The following CA1 variants were observed in gnomAD, a reference collection of about 807,000 sequenced individuals.
CA1 encodes carbonic anhydrase 1, also known as carbonate dehydratase I.
In CA1, 27 loss-of-function variants were observed where a neutral mutation model predicts 28.8. That is an observed-to-expected ratio of 0.94 (90% CI 0.69 to 1.29). CA1 has a LOEUF of 1.29. Ranked by LOEUF, CA1 falls within the 50% of genes most tolerant of loss-of-function variation. The probability of loss-of-function intolerance (pLI) is 0.00; values close to 1 mark genes in which losing one functional copy is unlikely to be tolerated. For missense variants in CA1, 335 were observed against 310.5 expected, an observed-to-expected ratio of 1.08 and a Z score of -0.59; for synonymous variants, 121 against 108.8, an observed-to-expected ratio of 1.11 and a Z score of -0.70.
rs1414872764 is a variant in CA1, at chr8:85,341,375, A to G, written c.37+224T>C. On this transcript the variant is annotated intron_variant, in intron 2 of 7. Transcript: ENST00000523022. Reference sequence around the variant, plus strand: ...AGGGGTCTGAAACTGAACCTTCAGTATCTCTGAGGTATGCCTGTATATATA... The same window carrying G: ...AGGGGTCTGAAACTGAACCTTCAGTGTCTCTGAGGTATGCCTGTATATATA... 1.2e-5 allele frequency: 5 copies of G among 405,756 alleles called. No homozygotes were observed. The Admixed American group carries it at 1.6e-4, about 13-fold the overall frequency. The allele number at this position is 405,756 out of a possible 1,614,324, so 25.1% of individuals were successfully genotyped here. A position where few individuals can be genotyped will look rare whatever the true frequency, so the allele number is the denominator to read the frequency against.
chr8:85,328,523 G>A lies in CA1; in HGVS notation c.*37C>T. 9.2e-7 allele frequency: 1 copy of A among 1,083,310 alleles called. No homozygotes were observed. The highest frequency in any genetic ancestry group is 1.4e-6 in the Non-Finnish European group (1 of 697,236). The allele number at this position is 1,083,310 out of a possible 1,614,324, so 67.1% of individuals were successfully genotyped here. ...ACTGGATTATGTCAGAAGCAGGGCT[G>A]TGTTCTTGAGGAAGGACAAGTTTCT... On this transcript the variant is annotated 3_prime_UTR_variant, in exon 8 of 8. Coordinates refer to ENST00000523022, the MANE Select transcript of CA1 (RefSeq NM_001128831.4).
chr8:85,329,717 TTACAGATGA>T lies in CA1; in HGVS notation c.632_640del (p.Ile211_Cys213del), dbSNP rs1415996241. 1.2e-6 allele frequency: 2 copies of T among 1,610,820 alleles called. No homozygotes were observed. The highest frequency in any genetic ancestry group is 1.7e-6 in the Non-Finnish European group (2 of 1,178,276). ...CTCTGAGCTGACACTGATGCTCTCC[TTACAGATGA>T]TCCAAGTTACACTCTCATAAAGAGG... On this transcript the variant is annotated inframe_deletion, in exon 7 of 8. Transcript: ENST00000523022.
chr8:85,341,457 T>C (rs771930661), intron 2 of CA1, 142 bp downstream of exon 2: 3 of 648,696 alleles, frequency 4.6e-6, no homozygotes, highest in Non-Finnish European at 8.3e-6. Context: ...TAAGAATACA[T>C]GCAAAGATAG....
chr8:85,356,984 T>G (rs1280491637), intron 1 of CA1, among the ~76,000 whole-genome samples: 1 of 152,184 alleles, frequency 6.6e-6, no homozygotes, highest in Non-Finnish European at 1.5e-5. Flanking sequence ...TTTCTCAGAT[T>G]TTTGGAAAGC....
intron 1 of CA1, among the ~76,000 whole-genome samples, chr8:85,365,279 T>C (rs1451468555): frequency 2.0e-5 from 3 of 152,218 alleles, no homozygotes; most frequent in Non-Finnish European, 4.4e-5. Flanking sequence ...AGGCGCTTCA[T>C]TTCAGAACAA....
At chr8:85,329,598 T>C (rs1478223942) in intron 7 of CA1, 91 bp downstream of exon 7, 18 of 1,144,100 alleles carry the variant, frequency 1.6e-5, no homozygotes, top group Non-Finnish European at 2.1e-5. Flanking sequence ...CTCACAAAGC[T>C]GACTGAAATA....
rs1808752641 is a variant in CA1 at position 85,338,366 on chromosome 8, G to A, written c.121C>T (p.His41Tyr). ...PVDIKTSETK[H>Y]DTSLKPISVS... ...CTAATAGGTTTCAGAGAGGTGTCAT[G>A]TTTGGTTTCACTGGTTTTAATATCA... is the stretch of plus-strand genomic sequence containing the variant. Residue 41 changes from histidine to tyrosine, a missense_variant, in exon 3 of 8, where the codon CAT becomes TAT. By Grantham distance (83) the His-to-Tyr change is moderately conservative. Coordinates refer to ENST00000523022, the MANE Select transcript of CA1 (RefSeq NM_001128831.4). The A allele has an allele frequency of 2.5e-6, 4 of 1,613,736 alleles. No individual in the cohort carries two copies. Among genetic ancestry groups the A allele is most frequent in the Non-Finnish European group, 3.4e-6 (4 of 1,179,658 alleles).
chr8:85,371,431 T>TAGTC (rs5892943), intron 1 of CA1, among the ~76,000 whole-genome samples: 1 of 151,364 alleles, frequency 6.6e-6, no homozygotes, highest in Non-Finnish European at 1.5e-5. Context: ...TATACACACA[T>TAGTC]ACAATTTTGA....
chr8:85,329,953 T>A, intron 6 of CA1, 109 bp from the exon 7 acceptor site: 1 of 948,270 alleles, frequency 1.1e-6, no homozygotes, highest in Non-Finnish European at 1.6e-6. Context: ...AGATTTTAGC[T>A]AAGAGTCATT....
intron 1 of CA1, among the ~76,000 whole-genome samples, chr8:85,377,696 G>C (rs191134080): frequency 2.0e-5 from 3 of 152,028 alleles, no homozygotes; most frequent in African/African-American, 7.2e-5. Context: ...CCAGCTACTC[G>C]GGAGGCTGAG....
intron 2 of CA1, 123 bp from the exon 3 acceptor site, chr8:85,338,572 CTT>C (rs1808762610): frequency 1.3e-6 from 1 of 770,612 alleles, no homozygotes; most frequent in South Asian, 1.4e-5. Context: ...ATGATATTCT[CTT>C]AAGATTAATA....
intron 1 of CA1, among the ~76,000 whole-genome samples, chr8:85,359,877 G>A (rs1809729597): frequency 6.6e-6 from 1 of 152,124 alleles, no homozygotes; most frequent in Non-Finnish European, 1.5e-5. Flanking sequence ...GAGTCCCAGG[G>A]CTTAAAACCC....
In CA1 at chr8:85,328,312, C is replaced by A; in HGVS notation, c.*248G>T. 1 of 282,348 alleles carries A rather than the reference C, an allele frequency of 3.5e-6. No individual in the cohort carries two copies. The highest frequency in any genetic ancestry group is 6.6e-6 in the Non-Finnish European group (1 of 152,156). The allele number at this position is 282,348 out of a possible 1,614,324, so 17.5% of individuals were successfully genotyped here. Reference sequence around the variant, plus strand: ...CACTTAGTTGTAATTTTAAAGAATTCCTCAAACTAAACTTGAATTTAAGCA... The same window carrying A: ...CACTTAGTTGTAATTTTAAAGAATTACTCAAACTAAACTTGAATTTAAGCA... On this transcript the variant is annotated 3_prime_UTR_variant, in exon 8 of 8. Transcript: ENST00000523022.
Position 85,328,129 on chromosome 8 carries a change from T to C in CA1, c.*431A>G, listed in dbSNP as rs1175190519. The C allele has an allele frequency of 6.3e-6, 1 of 158,290 alleles. No homozygotes were observed. The highest frequency in any genetic ancestry group is 2.4e-5 in the African/African-American group (1 of 41,498). 9.8% of individuals were successfully genotyped at this position (158,290 alleles called of 1,614,324 possible). On this transcript the variant is annotated 3_prime_UTR_variant, in exon 8 of 8. Coordinates refer to ENST00000523022, the MANE Select transcript of CA1 (RefSeq NM_001128831.4). ...ATCTCCAGCTGCTCTTAGGTTGTTG[T>C]ATTTGAAGCAAAATACTCTTGCAAG...
At chr8:85,346,337 G>T (rs935501800) in intron 1 of CA1, among the ~76,000 whole-genome samples, 1 of 152,084 alleles carries the variant, frequency 6.6e-6, no homozygotes, top group Admixed American at 6.6e-5. Context: ...TTTTAAAATT[G>T]AGAACATACT....
intron 1 of CA1, among the ~76,000 whole-genome samples, chr8:85,366,374 A>G (rs1450056437): frequency 6.6e-6 from 1 of 152,074 alleles, no homozygotes; most frequent in Non-Finnish European, 1.5e-5. Flanking sequence ...CCTCCAAGGA[A>G]GACTTTTGAT....
chr8:85,344,137 A>G (rs967875554), intron 1 of CA1, among the ~76,000 whole-genome samples: 23 of 137,754 alleles, frequency 1.7e-4, no homozygotes, highest in African/African-American at 5.8e-4. Context: ...AAATTTATAT[A>G]TATAATTATA....
At chr8:85,340,248 A>AT (rs1251843547) in intron 2 of CA1, among the ~76,000 whole-genome samples, 15 of 152,232 alleles carry the variant, frequency 9.9e-5, no homozygotes, top group Admixed American at 3.9e-4. Context: ...GCCAACACTC[A>AT]TTTAACATTC....
rs770621108 is a variant in CA1, at chr8:85,329,675, A to G, written c.669+14T>C. ...TGCTACGCATTCCCAGTTCCCATTC[A>G]TTCACAACTCTACCTGCTCTGAGCT... On this transcript the variant is annotated intron_variant, in intron 7 of 7. Coordinates refer to ENST00000523022, the MANE Select transcript of CA1 (RefSeq NM_001128831.4). 1.2e-6 allele frequency: 2 copies of G among 1,606,580 alleles called. No homozygotes were observed. The highest frequency in any genetic ancestry group is 2.2e-5 in the South Asian group (2 of 90,324).
Sources: gnomAD v4.1 joint callset for allele counts (sites outside exome capture counted in the v4.1 genomes callset) on GRCh38, gnomAD v4.1.1 for gene constraint, MANE v1.5 for transcripts, NCBI Gene and HGNC (gene_info 2026-07-23, HGNC 2026-07-21) for gene names.